MYH6: variants seen among roughly 807,000 people sequenced by gnomAD.
MYH6 encodes myosin heavy chain 6.
MYH6 carries 126 observed loss-of-function variants against 223.2 expected under a neutral mutation model. That is an observed-to-expected ratio of 0.56 (90% CI 0.49 to 0.65). The LOEUF (loss-of-function observed/expected upper bound fraction) is 0.65, where lower values mean the gene tolerates loss of function less well. Among genes scored for constraint, MYH6 ranks in the 30% least tolerant of loss-of-function variants. MYH6 has a pLI of 0.00. For synonymous variants in MYH6, 978 were observed against 1,010.2 expected, an observed-to-expected ratio of 0.97 and a Z score of 0.61; for missense variants, 2,040 against 2,536.4, an observed-to-expected ratio of 0.80 and a Z score of 4.20.
intron 32 of MYH6, 99 bp downstream of exon 32, chr14:23,387,430 A>G: frequency 6.4e-7 from 1 of 1,568,664 alleles, no homozygotes; most frequent in South Asian, 1.1e-5. Flanking sequence ...ATATGGAATG[A>G]ATAGATTTTG....
In MYH6 at chr14:23,388,293, C is replaced by T. The variant is rs768495903; in HGVS notation, c.4221G>A (p.Glu1407=). 1.9e-6 allele frequency: 3 copies of T among 1,613,324 alleles called. No individual in the cohort carries two copies. The highest frequency in any genetic ancestry group is 1.1e-5 in the South Asian group (1 of 91,048). Residue 1407 remains glutamate (E), a synonymous_variant, in exon 30 of 39, where the codon GAG becomes GAA. Coordinates refer to ENST00000405093, the MANE Select transcript of MYH6 (RefSeq NM_002471.4). ...GTGAGGAGCACTTGGCATTAACAGC[C>T]TCCACGGCCTCCTCGGCATCCTGCA... is the stretch of plus-strand genomic sequence containing the variant. The part of the protein sequence containing the change: ...QRLQDAEEAV[E]AVNAKCSSLE...
rs1195165940 is a variant in MYH6, at chr14:23,385,962, T to A, written c.5129A>T (p.Glu1710Val). Residue 1710 changes from glutamate (E) to valine (V), a missense_variant, in exon 34 of 39, where the codon GAG becomes GTG. This residue lies in a region of MYH6 where 1,203 missense variants were observed against 1,400.2 expected (regional missense o/e 0.86). Coordinates refer to ENST00000405093, the MANE Select transcript of MYH6 (RefSeq NM_002471.4). ...CAGCAGCTGCACCCGCTCGCTGGTCTCAATCAGCTCCTGCTCCGCCAGCTT... is the reference window on the plus strand; with the variant it reads ...CAGCAGCTGCACCCGCTCGCTGGTCACAATCAGCTCCTGCTCCGCCAGCTT... Reference protein sequence around the residue: ...SRKLAEQELIETSERVQLLHS... With the variant: ...SRKLAEQELIVTSERVQLLHS... The A allele has an allele frequency of 3.7e-6, 6 of 1,614,086 alleles. No homozygotes were observed. Among genetic ancestry groups the A allele is most frequent in the African/African-American group, 1.3e-5 (1 of 74,924 alleles).
At chr14:23,403,261 G>T (rs531598104) in intron 10 of MYH6, 87 bp downstream of exon 10, 1 of 1,108,036 alleles carries the variant, frequency 9.0e-7, no homozygotes, top group Non-Finnish European at 1.4e-6. Context: ...GGCACAGTGG[G>T]GAGCAGGAGG....
chr14:23,389,977 G>A, intron 26 of MYH6, 80 bp downstream of exon 26: 1 of 1,611,914 alleles, frequency 6.2e-7, no homozygotes, highest in African/African-American at 1.3e-5. Context: ...TGACAAGGGA[G>A]ATGGCAGACA....
chr14:23,400,856 C>T lies in MYH6; in HGVS notation c.1263G>A (p.Val421=). ...TGGCCAGAGCCCCGATGGAGTAGTA[C>T]ACCTGCTGCACGCTCTGCCCCTTGG... ...YVTKGQSVQQ[V]YYSIGALAKA... Residue 421 remains valine (V), a synonymous_variant, in exon 13 of 39, where the codon GTG becomes GTA. Transcript: ENST00000405093. The T allele has an allele frequency of 3.1e-6, 5 of 1,614,234 alleles. No individual in the cohort carries two copies. The highest frequency in any genetic ancestry group is 4.2e-6 in the Non-Finnish European group (5 of 1,180,044).
chr14:23,400,096 C>T, intron 14 of MYH6, 160 bp downstream of exon 14: 5 of 1,085,004 alleles, frequency 4.6e-6, no homozygotes, highest in Non-Finnish European at 6.8e-6. Flanking sequence ...GTGGGGGGAT[C>T]ATCCTGTTCA....
chr14:23,399,064 G>A (rs1891519347), intron 14 of MYH6, 27 bp from the exon 15 acceptor site: 3 of 1,612,218 alleles, frequency 1.9e-6, no homozygotes, highest in Middle Eastern at 3.4e-4. Context: ...GAGGCAAAGA[G>A]AGAATCACTG....
chr14:23,404,725 C>T lies in MYH6; in HGVS notation c.628G>A (p.Ala210Thr). ...CCCCATGGCACCTTGTTCGCATTGG[C>T]ATTGTCCTTCTTGCCACGGTCACCT... ...AIGDRGKKDN[A>T]NANKGTLEDQ... The change falls in exon 7 of 39, where the codon GCC becomes ACC. Residue 210 changes from alanine to threonine, a missense_variant. Around this residue, in one of 4 missense-constraint regions of MYH6, gnomAD observed 649 missense variants for 877.3 expected, o/e 0.74. Transcript: ENST00000405093. 1 of 1,614,140 alleles carries T rather than the reference C, an allele frequency of 6.2e-7. No homozygotes were observed. The highest frequency in any genetic ancestry group is 8.5e-7 in the Non-Finnish European group (1 of 1,180,008).
rs1233371859 is a variant in MYH6 at position 23,382,432 on chromosome 14, G to A, written c.5792C>T (p.Ala1931Val). 3.7e-6 allele frequency: 6 copies of A among 1,614,016 alleles called. No individual in the cohort carries two copies. The African/African-American group carries it at 4.0e-5, about 11-fold the overall frequency. The change falls in exon 38 of 39, where the codon GCC (alanine) becomes GTC (valine). Residue 1931 changes from alanine to valine, a missense_variant. By Grantham distance (64) the Ala-to-Val change is moderately conservative. Coordinates refer to ENST00000405093, the MANE Select transcript of MYH6 (RefSeq NM_002471.4). ...AAGCCCAGGGGAGGGACCCACCTTG[G>A]CACCAATGTCACGGCTCTTGGCTCG... ...KLRAKSRDIG[A>V]KQKMHDEE
chr14:23,406,447 A>G (rs1418596779), intron 3 of MYH6, among the ~76,000 whole-genome samples: 1 of 152,086 alleles, frequency 6.6e-6, no homozygotes, highest in Non-Finnish European at 1.5e-5. Context: ...CTACACTTCA[A>G]TGGGTTGTAA....
At chr14:23,383,639 A>C (rs936848011) in intron 36 of MYH6, among the ~76,000 whole-genome samples, 1 of 152,202 alleles carries the variant, frequency 6.6e-6, no homozygotes, top group Non-Finnish European at 1.5e-5. Flanking sequence ...AGTATGGTGG[A>C]TAAAGCTCCA....
rs746683450 is a variant in MYH6, at chr14:23,403,671, C to A, written c.799+44G>T. The A allele has an allele frequency of 7.1e-6, 11 of 1,557,142 alleles. No individual in the cohort carries two copies. The South Asian group carries it at 1.1e-4, about 16-fold the overall frequency. On this transcript the variant is annotated intron_variant, in intron 9 of 38. Transcript: ENST00000405093. ...CTGGCCGCCAGGCAGGGAGAGAAGGCAGAGGGGGACCTAGAGGGTGGCAGC... is the reference window on the plus strand; with the variant it reads ...CTGGCCGCCAGGCAGGGAGAGAAGGAAGAGGGGGACCTAGAGGGTGGCAGC...
intron 29 of MYH6, chr14:23,388,619 C>T (rs1208723665): frequency 2.3e-6 from 2 of 860,706 alleles, no homozygotes; most frequent in Non-Finnish European, 4.1e-6. Flanking sequence ...TTTTGCTCGT[C>T]TTATACGTGA....
rs1057518591 is a variant in MYH6, at chr14:23,382,514, C to G, written c.5710G>C (p.Glu1904Gln). 6.8e-6 allele frequency: 11 copies of G among 1,614,170 alleles called. No homozygotes were observed. The highest frequency in any genetic ancestry group is 6.8e-6 in the Non-Finnish European group (8 of 1,180,030). ...NLSKFRKVQH[E>Q]LDEAEERADI... Reference sequence around the variant, plus strand: ...GCCCGCTCCTCTGCCTCATCCAGCTCATGCTGCACCTTGCGGAACTTGGAC... The same window carrying G: ...GCCCGCTCCTCTGCCTCATCCAGCTGATGCTGCACCTTGCGGAACTTGGAC... Residue 1904 changes from glutamate (E) to glutamine (Q), a missense_variant, in exon 38 of 39, where the codon GAG (glutamate) becomes CAG (glutamine). Around this residue, in one of 4 missense-constraint regions of MYH6, gnomAD observed 1,203 missense variants for 1,400.2 expected, o/e 0.86. Coordinates refer to ENST00000405093, the MANE Select transcript of MYH6 (RefSeq NM_002471.4).
chr14:23,395,835 G>GT (rs1891377339), intron 20 of MYH6, among the ~76,000 whole-genome samples: 1 of 152,174 alleles, frequency 6.6e-6, no homozygotes, highest in Admixed American at 6.5e-5. Flanking sequence ...GCCTGCAGCT[G>GT]TTCAACTTTA....
At chr14:23,386,233 C>A in intron 33 of MYH6, 82 bp downstream of exon 33, 1 of 1,612,782 alleles carries the variant, frequency 6.2e-7, no homozygotes, top group South Asian at 1.1e-5. Flanking sequence ...CAGGAGGAAT[C>A]TGGTGCCTGT....
chr14:23,386,018 A>T lies in MYH6; in HGVS notation c.5073T>A (p.Arg1691=), dbSNP rs551495786. ...ACCGCTCTGTCTGCTCCACCACGGC[A>T]CGCAGCTCCTCCAGCTCAGCCTGCA... ...NLLQAELEEL[R]AVVEQTERSR... Residue 1691 remains arginine (R), a synonymous_variant, in exon 34 of 39, where the codon CGT becomes CGA. Transcript: ENST00000405093. The T allele has an allele frequency of 1.1e-5, 18 of 1,614,124 alleles. No individual in the cohort carries two copies. The highest frequency in any genetic ancestry group is 1.3e-5 in the African/African-American group (1 of 75,020).
Position 23,402,878 on chromosome 14 carries a change from GAGGGAGGGGC to G in MYH6, c.899-88_899-79del. 3.7e-6 allele frequency: 3 copies of G among 803,244 alleles called. No homozygotes were observed. In the South Asian group the frequency reaches 4.1e-5, roughly 11 times the overall value. The allele number at this position is 803,244 out of a possible 1,614,324, so 49.8% of individuals were successfully genotyped here. A position where few individuals can be genotyped will look rare whatever the true frequency, so the allele number is the denominator to read the frequency against. On this transcript the variant is annotated intron_variant, in intron 10 of 38. Transcript: ENST00000405093. Reference sequence around the variant, plus strand: ...AAGGGGCAGGTAGAGTTGGGAAAGGGAGGGAGGGGCAGGGAGGGGTAAGGGACGGGGTGAA... The same window carrying G: ...AAGGGGCAGGTAGAGTTGGGAAAGGGAGGGAGGGGTAAGGGACGGGGTGAA...
chr14:23,407,641 G>C lies in MYH6; in HGVS notation c.-46-33C>G, dbSNP rs1891830541. On this transcript the variant is annotated intron_variant, in intron 1 of 38. Coordinates refer to ENST00000405093, the MANE Select transcript of MYH6 (RefSeq NM_002471.4). The surrounding 1 kb of genome is among the most constrained non-coding windows in gnomAD (Gnocchi z 5.6). ...GTGGGTGGAGCAAGGAACAACAGAGGTAGAGCCGGGCAGAGAGAAGAACAG... is the reference window on the plus strand; with the variant it reads ...GTGGGTGGAGCAAGGAACAACAGAGCTAGAGCCGGGCAGAGAGAAGAACAG... 8.9e-7 allele frequency: 1 copy of C among 1,118,378 alleles called. No individual in the cohort carries two copies. Among genetic ancestry groups the C allele is most frequent in the African/African-American group, 1.6e-5 (1 of 61,594 alleles). The allele number at this position is 1,118,378 out of a possible 1,614,324, so 69.3% of individuals were successfully genotyped here. A position where few individuals can be genotyped will look rare whatever the true frequency, so the allele number is the denominator to read the frequency against.
Sources: gnomAD v4.1 joint callset for allele counts (sites outside exome capture counted in the v4.1 genomes callset) on GRCh38, gnomAD v4.1.1 for gene constraint, gnomAD v4.1.1 regional missense constraint, Gnocchi (gnomAD v3.1) non-coding constraint, MANE v1.5 for transcripts, NCBI Gene and HGNC (gene_info 2026-07-23, HGNC 2026-07-21) for gene names.